The following TFEC variants were observed in gnomAD, a reference collection of about 807,000 sequenced individuals.
The protein encoded by TFEC is transcription factor EC, also known as class E basic helix-loop-helix protein 34.
A neutral mutation model predicts 41.6 loss-of-function variants in TFEC; 31 were observed. The ratio of observed to expected loss-of-function variants is 0.74; its 90% confidence interval spans 0.56 to 1.01. The LOEUF (loss-of-function observed/expected upper bound fraction) is 1.01, where lower values mean the gene tolerates loss of function less well. Ranked by LOEUF, TFEC falls within the 50% of genes least tolerant of loss-of-function variation. The probability of loss-of-function intolerance (pLI) is 0.00; values close to 1 mark genes in which losing one functional copy is unlikely to be tolerated. For missense variants in TFEC, 402 were observed against 404.1 expected, an observed-to-expected ratio of 0.99 and a Z score of 0.04; for synonymous variants, 143 against 140.6, an observed-to-expected ratio of 1.02 and a Z score of -0.12.
chr7:116,052,313 T>C (rs1253542901), intron 3 of TFEC, among the ~76,000 whole-genome samples: 1 of 152,184 alleles, frequency 6.6e-6, no homozygotes, highest in Non-Finnish European at 1.5e-5. Context: ...TATCAAAATG[T>C]GTTAAATATA....
intron 1 of TFEC, among the ~76,000 whole-genome samples, chr7:116,002,155 T>A (rs1039725076): frequency 1.3e-5 from 2 of 152,164 alleles, no homozygotes; most frequent in African/African-American, 4.8e-5. Flanking sequence ...CACCATATGA[T>A]CCAGCAACCC....
At chr7:116,146,535 TG>T (rs1213057675) in intron 1 of TFEC, among the ~76,000 whole-genome samples, 1 of 152,226 alleles carries the variant, frequency 6.6e-6, no homozygotes, top group Non-Finnish European at 1.5e-5. Context: ...ATCACCTATA[TG>T]GTTCAAAATA....
chr7:116,040,787 G>A (rs1036899524), intron 3 of TFEC, among the ~76,000 whole-genome samples: 1 of 152,062 alleles, frequency 6.6e-6, no homozygotes, highest in Non-Finnish European at 1.5e-5. Flanking sequence ...CATCTGATAA[G>A]GTTTAACCAT....
intron 1 of TFEC, among the ~76,000 whole-genome samples, chr7:116,137,709 T>C (rs1798460821): frequency 6.6e-6 from 1 of 152,146 alleles, no homozygotes; most frequent in Non-Finnish European, 1.5e-5. Context: ...GAAATTCTAC[T>C]AGAAGGGTTC....
intron 1 of TFEC, among the ~76,000 whole-genome samples, chr7:116,002,796 CT>C (rs1794648297): frequency 6.6e-6 from 1 of 151,926 alleles, no homozygotes; most frequent in Non-Finnish European, 1.5e-5. Context: ...AAATGCACCC[CT>C]GTTACATACT....
At chr7:116,030,027 T>C (rs1391571979) in intron 1 of TFEC, among the ~76,000 whole-genome samples, 3 of 152,036 alleles carry the variant, frequency 2.0e-5, no homozygotes, top group Non-Finnish European at 4.4e-5. Flanking sequence ...GATCACGCCA[T>C]TGCACTCCAG....
chr7:115,962,043 C>T (rs891306957), intron 3 of TFEC, among the ~76,000 whole-genome samples: 1 of 151,556 alleles, frequency 6.6e-6, no homozygotes, highest in Non-Finnish European at 1.5e-5. Context: ...CATTTCTACA[C>T]ATGAACCATG....
chr7:116,026,236 C>T (rs1795579686), intron 1 of TFEC, among the ~76,000 whole-genome samples: 1 of 152,220 alleles, frequency 6.6e-6, no homozygotes, highest in Non-Finnish European at 1.5e-5. Context: ...CAACTCTGCA[C>T]ATGCTAGTCT....
At chr7:115,996,521 G>A (rs1179513961) in intron 1 of TFEC, among the ~76,000 whole-genome samples, 1 of 151,776 alleles carries the variant, frequency 6.6e-6, no homozygotes, top group African/African-American at 2.4e-5. Context: ...GTGGGTTTGG[G>A]GAGAGACTCC....
intron 3 of TFEC, among the ~76,000 whole-genome samples, chr7:116,088,038 T>A (rs890241903): frequency 2.0e-5 from 3 of 152,094 alleles, no homozygotes; most frequent in Non-Finnish European, 4.4e-5. Flanking sequence ...GCATACTCCT[T>A]CAACATTCTT....
chr7:116,097,050 A>G (rs983430091), intron 3 of TFEC, among the ~76,000 whole-genome samples: 7 of 151,750 alleles, frequency 4.6e-5, no homozygotes, highest in African/African-American at 1.2e-4. Flanking sequence ...AGATTGCACC[A>G]CTACACTCCA....
intron 2 of TFEC, among the ~76,000 whole-genome samples, chr7:115,983,808 A>G (rs1343676040): frequency 6.6e-6 from 1 of 152,154 alleles, no homozygotes; most frequent in Non-Finnish European, 1.5e-5. Context: ...TAAAAGATCC[A>G]GATATAATTT....
intron 3 of TFEC, among the ~76,000 whole-genome samples, chr7:116,110,316 T>A (rs1797823977): frequency 6.6e-6 from 1 of 152,122 alleles, no homozygotes; most frequent in South Asian, 2.1e-4. Context: ...TCTCTATTGA[T>A]AATCTTCATT....
intron 1 of TFEC, among the ~76,000 whole-genome samples, chr7:116,125,585 A>T (rs1798192498): frequency 6.6e-6 from 1 of 152,170 alleles, no homozygotes; most frequent in Non-Finnish European, 1.5e-5. Context: ...GAAAGAGGTA[A>T]TGTTGGCGGA....
chr7:116,014,769 G>T (rs1336253648), intron 1 of TFEC, among the ~76,000 whole-genome samples: 1 of 152,052 alleles, frequency 6.6e-6, no homozygotes, highest in Non-Finnish European at 1.5e-5. Context: ...ATAATCTCAA[G>T]GGTTCTTATA....
intron 3 of TFEC, among the ~76,000 whole-genome samples, chr7:116,105,967 AAAAG>A (rs1225922315): frequency 6.6e-6 from 1 of 152,090 alleles, no homozygotes; most frequent in Non-Finnish European, 1.5e-5. Context: ...GACGTTGTAG[AAAAG>A]AAAGAATTTC....
intron 3 of TFEC, among the ~76,000 whole-genome samples, chr7:116,106,859 A>G (rs1057149854): frequency 6.6e-6 from 1 of 152,230 alleles, no homozygotes; most frequent in Non-Finnish European, 1.5e-5. Flanking sequence ...GTCTGTTTAC[A>G]TATCACTTTT....
upstream of TFEC, among the ~76,000 whole-genome samples, chr7:116,033,064 C>G (rs1795825993): frequency 6.6e-6 from 1 of 151,750 alleles, no homozygotes; most frequent in Admixed American, 6.6e-5. Flanking sequence ...TACAGACTCC[C>G]TGCAAGATGC....
chr7:116,067,313 GA>G (rs1251613665), intron 3 of TFEC, among the ~76,000 whole-genome samples: 2 of 151,986 alleles, frequency 1.3e-5, no homozygotes, highest in Non-Finnish European at 2.9e-5. Flanking sequence ...ATGAATCAGT[GA>G]TTTCAAGCAC....
Sources: gnomAD v4.1 joint callset for allele counts (sites outside exome capture counted in the v4.1 genomes callset) on GRCh38, gnomAD v4.1.1 for gene constraint, MANE v1.5 for transcripts, NCBI Gene and HGNC (gene_info 2026-07-23, HGNC 2026-07-21) for gene names.